Variants in MAPK13 observed in about 807,000 individuals in gnomAD.
MAPK13 encodes the protein mitogen-activated protein kinase 13, also known as MAP kinase 13.
In MAPK13, 39 loss-of-function variants were observed where a neutral mutation model predicts 53.5. The observed-to-expected ratio is 0.73, with a 90% CI of 0.56 to 0.95. The LOEUF is 0.95. Among genes scored for constraint, MAPK13 ranks in the 40% least tolerant of loss-of-function variants. The probability of loss-of-function intolerance (pLI) is 0.00; values close to 1 mark genes in which losing one functional copy is unlikely to be tolerated. For missense variants in MAPK13, 460 were observed against 471.8 expected (o/e 0.98, Z 0.23); for synonymous variants, 179 against 190.9 (o/e 0.94, Z 0.51).
intron 2 of MAPK13, 59 bp downstream of exon 2, chr6:36,131,459 C>T: frequency 1.9e-6 from 3 of 1,539,692 alleles, no homozygotes; most frequent in Non-Finnish European, 2.6e-6. Flanking sequence ...CAGGGGCAGG[C>T]GCAGGCGGGG....
chr6:36,137,665 A>AAAAAC (rs1561790668), intron 8 of MAPK13, among the ~76,000 whole-genome samples: 17 of 145,594 alleles, frequency 1.2e-4, no homozygotes, highest in South Asian at 4.3e-4. Context: ...AAAAAAAAAA[A>AAAAAC]AAAACAAAAT....
intron 4 of MAPK13, 77 bp downstream of exon 4, chr6:36,135,938 G>A (rs192735192): frequency 1.5e-5 from 24 of 1,596,822 alleles, no homozygotes; most frequent in Admixed American, 8.3e-5. Context: ...TGGAGGGAGC[G>A]CACTGTTACA....
chr6:36,138,067 G>C (rs1377435878), intron 8 of MAPK13, among the ~76,000 whole-genome samples: 4 of 152,140 alleles, frequency 2.6e-5, no homozygotes, highest in Admixed American at 2.6e-4. Flanking sequence ...ACCTGTGTGT[G>C]CAGGGCAGGC....
chr6:36,132,397 C>A (rs763164523), intron 2 of MAPK13, among the ~76,000 whole-genome samples: 2 of 152,264 alleles, frequency 1.3e-5, no homozygotes, highest in South Asian at 4.1e-4. Context: ...CCCTTCTCCC[C>A]AGCCTGACTC....
At chr6:36,131,029 T>G (rs1427484673) in intron 1 of MAPK13, 1 of 539,120 alleles carries the variant, frequency 1.9e-6, no homozygotes, top group Non-Finnish European at 3.3e-6. Flanking sequence ...GCAGACAGAG[T>G]GAGACTCCCG....
Position 36,138,748 on chromosome 6 carries a change from T to A in MAPK13, c.809T>A (p.Phe270Tyr), listed in dbSNP as rs764413376. 6.2e-7 allele frequency: 1 copy of A among 1,614,058 alleles called. No individual in the cohort carries two copies. The highest frequency in any genetic ancestry group is 1.3e-5 in the African/African-American group (1 of 74,920). Residue 270 changes from phenylalanine (F) to tyrosine (Y), a missense_variant, in exon 10 of 12, where the codon TTC (phenylalanine) becomes TAC (tyrosine). Physicochemically the swap from Phe to Tyr is conservative, Grantham distance 22. Transcript: ENST00000211287. ...CTGCCACAGACCCCCAGGAAGGATT[T>A]CACTCAGCTGTTCCCACGGGCCAGC... ...QSLPQTPRKD[F>Y]TQLFPRASPQ... is the part of the protein sequence containing the mutation.
Position 36,140,539 on chromosome 6 carries a change from C to T in MAPK13, c.*1166C>T, listed in dbSNP as rs1296445916. ...CTGGGCCCCACCCCAGGGCTTGTGA[C>T]TCAGCAGGTCTGCAGTTGAGACCTT... On this transcript the variant is annotated 3_prime_UTR_variant, in exon 12 of 12. Coordinates refer to ENST00000211287, the MANE Select transcript of MAPK13 (RefSeq NM_002754.5). 1 of 152,676 alleles carries T rather than the reference C, an allele frequency of 6.5e-6. No homozygotes were observed. Among genetic ancestry groups the T allele is most frequent in the African/African-American group, 2.4e-5 (1 of 41,436 alleles). 9.5% of individuals were successfully genotyped at this position (152,676 alleles called of 1,614,324 possible).
Position 36,141,671 on chromosome 6 carries a change from C to CA in MAPK13, c.*2305dup, listed in dbSNP as rs1257516586. On this transcript the variant is annotated 3_prime_UTR_variant, in exon 12 of 12. Coordinates refer to ENST00000211287, the MANE Select transcript of MAPK13 (RefSeq NM_002754.5). ...TGGGTGACAGAGTGAGACTCCATCT[C>CA]AAAAAAACAAAAAAAACAAATACCC... 2.6e-5 allele frequency: 4 copies of CA among 152,076 alleles called. No homozygotes were observed. Among genetic ancestry groups the CA allele is most frequent in the Non-Finnish European group, 4.4e-5 (3 of 68,334 alleles). 9.4% of individuals were successfully genotyped at this position (152,076 alleles called of 1,614,324 possible). A position where few individuals can be genotyped will look rare whatever the true frequency, so the allele number is the denominator to read the frequency against.
chr6:36,140,736 ACTCAT>A lies in MAPK13; in HGVS notation c.*1366_*1370del, dbSNP rs1345907152. On this transcript the variant is annotated 3_prime_UTR_variant, in exon 12 of 12. Transcript: ENST00000211287. ...TGGGGGGCTTCAGATGGAGTTTCACACTCATCTTACAGGTGTTAAAACTGAGGCTC... is the reference window on the plus strand; with the variant it reads ...TGGGGGGCTTCAGATGGAGTTTCACACTTACAGGTGTTAAAACTGAGGCTC... 4 of 152,452 alleles carry A rather than the reference ACTCAT, an allele frequency of 2.6e-5. No individual in the cohort carries two copies. In the East Asian group the frequency reaches 7.7e-4, roughly 29 times the overall value. The allele number at this position is 152,452 out of a possible 1,614,324, so 9.4% of individuals were successfully genotyped here. A position where few individuals can be genotyped will look rare whatever the true frequency, so the allele number is the denominator to read the frequency against.
intron 3 of MAPK13, 53 bp downstream of exon 3, chr6:36,132,732 G>A (rs1181162073): frequency 6.3e-7 from 1 of 1,592,066 alleles, no homozygotes; most frequent in African/African-American, 1.3e-5. Flanking sequence ...ACATGCCGCT[G>A]GGGAGCAAGG....
At chr6:36,131,422 G>C (rs1766320623) in intron 2 of MAPK13, 22 bp downstream of exon 2, 1 of 1,605,132 alleles carries the variant, frequency 6.2e-7, no homozygotes, top group African/African-American at 1.3e-5. Flanking sequence ...CTGCCCCGGG[G>C]AGGGGGTGGG....
intron 2 of MAPK13, among the ~76,000 whole-genome samples, chr6:36,131,699 C>T (rs2127485621): frequency 6.6e-6 from 1 of 152,330 alleles, no homozygotes; most frequent in East Asian, 1.9e-4. Flanking sequence ...GAGCTTGTGG[C>T]CAGCTGGGAC....
At chr6:36,137,119 C>G (rs1366533590) in intron 8 of MAPK13, among the ~76,000 whole-genome samples, 169 bp downstream of exon 8, 2 of 152,160 alleles carry the variant, frequency 1.3e-5, no homozygotes, top group Admixed American at 6.5e-5. Flanking sequence ...CCTGTAATCC[C>G]AGCACTTTGG....
chr6:36,136,653 T>C lies in MAPK13; in HGVS notation c.496-3T>C, dbSNP rs55732669. On this transcript the variant is annotated splice_polypyrimidine_tract_variant and splice_region_variant and intron_variant, in intron 6 of 11. Coordinates refer to ENST00000211287, the MANE Select transcript of MAPK13 (RefSeq NM_002754.5). ...CCTTTTCTATTTATCCCCTGTGCCATAGATTCTGGATTTTGGGCTGGCGCG... is the reference window on the plus strand; with the variant it reads ...CCTTTTCTATTTATCCCCTGTGCCACAGATTCTGGATTTTGGGCTGGCGCG... 4,096 of 1,613,492 alleles carry C rather than the reference T, an allele frequency of 2.5e-3. 82 individuals are homozygous for C. The African/African-American group carries it at 0.044, about 17-fold the overall frequency.
At position 36,136,486 on chromosome 6, in the gene MAPK13, C is replaced by A. The variant is rs1345854335; in HGVS notation, c.450C>A (p.Asp150Glu). Residue 150 changes from aspartate to glutamate, a missense_variant and splice_region_variant, in exon 6 of 12, where the codon GAC (aspartate) becomes GAA (glutamate). Asp to Glu is a conservative substitution (Grantham distance 45). Coordinates refer to ENST00000211287, the MANE Select transcript of MAPK13 (RefSeq NM_002754.5). The part of the protein sequence containing the change: ...YIHSAGVVHR[D>E]LKPGNLAVNE... The stretch of plus-strand genomic sequence containing the variant: ...TGCATTCTCTGTCCTCCCCCCAGGA[C>A]CTGAAGCCAGGCAACCTGGCTGTGA... The A allele has an allele frequency of 6.3e-7, 1 of 1,596,692 alleles. No homozygotes were observed. Among genetic ancestry groups the A allele is most frequent in the Non-Finnish European group, 8.5e-7 (1 of 1,172,048 alleles).
rs368108523 is a variant in MAPK13, at chr6:36,138,578, T to C, written c.763-124T>C. 50 of 1,274,942 alleles carry C rather than the reference T, an allele frequency of 3.9e-5. No homozygotes were observed. The African/African-American group carries it at 5.7e-4, about 15-fold the overall frequency. 79.0% of individuals were successfully genotyped at this position (1,274,942 alleles called of 1,614,324 possible). A position where few individuals can be genotyped will look rare whatever the true frequency, so the allele number is the denominator to read the frequency against. On this transcript the variant is annotated intron_variant, in intron 9 of 11. Coordinates refer to ENST00000211287, the MANE Select transcript of MAPK13 (RefSeq NM_002754.5). ...CATCCTCCTACCCTGGCAGGCACTC[T>C]TGTCTTAATCTCACCGTGGACCCTG...
intron 2 of MAPK13, among the ~76,000 whole-genome samples, chr6:36,132,306 A>C (rs1051203433): frequency 6.6e-5 from 10 of 152,078 alleles, no homozygotes; most frequent in African/African-American, 2.4e-4. Flanking sequence ...CCTGCTGCCT[A>C]GGTGAGTTGA....
chr6:36,136,382 G>C, intron 5 of MAPK13, 102 bp from the exon 6 acceptor site: 1 of 983,750 alleles, frequency 1.0e-6, no homozygotes, highest in South Asian at 1.7e-5. Context: ...AGGCCCAGAA[G>C]GGGAAGGGGC....
intron 5 of MAPK13, 71 bp from the exon 6 acceptor site, chr6:36,136,412 TG>T: frequency 1.5e-6 from 2 of 1,347,050 alleles, no homozygotes; most frequent in Non-Finnish European, 2.0e-6. Context: ...GTCACACCCC[TG>T]GGTGGTGGTG....
Sources: gnomAD v4.1 joint callset for allele counts (sites outside exome capture counted in the v4.1 genomes callset) on GRCh38, gnomAD v4.1.1 for gene constraint, MANE v1.5 for transcripts, NCBI Gene and HGNC (gene_info 2026-07-23, HGNC 2026-07-21) for gene names.